AGBL1: variants seen among roughly 807,000 people sequenced by gnomAD.
AGBL1 encodes the protein AGBL carboxypeptidase 1.
Under a neutral mutation model 118.9 loss-of-function variants are expected in AGBL1, and 130 were observed. The observed-to-expected ratio is 1.09, with a 90% CI of 0.95 to 1.26. The LOEUF is 1.26. AGBL1 is among the 50% of genes most tolerant of loss of function. The pLI is 0.00. For missense variants in AGBL1, 1,584 were observed against 1,298.1 expected (o/e 1.22, Z -3.38); for synonymous variants, 555 against 478.9 (o/e 1.16, Z -2.08).
chr15:86,105,574 T>C (rs186976453), intron 1 of AGBL1, among the ~76,000 whole-genome samples: 32 of 152,264 alleles, frequency 2.1e-4, no homozygotes, highest in Middle Eastern at 3.4e-3. Flanking sequence ...ATCAGCTAAA[T>C]GGTTGAGAAG....
chr15:86,625,525 C>T (rs2084874179), intron 21 of AGBL1, among the ~76,000 whole-genome samples: 2 of 151,656 alleles, frequency 1.3e-5, no homozygotes, highest in Non-Finnish European at 2.9e-5. Context: ...CATTTACAAA[C>T]TACACACAAA....
At chr15:86,666,428 C>T (rs949450726) in intron 21 of AGBL1, among the ~76,000 whole-genome samples, 2 of 152,060 alleles carry the variant, frequency 1.3e-5, no homozygotes, top group African/African-American at 4.8e-5. Flanking sequence ...TTTTGTCTTT[C>T]AGTTGATGTC....
At chr15:86,648,405 A>C (rs1010321438) in intron 21 of AGBL1, among the ~76,000 whole-genome samples, 20 of 152,190 alleles carry the variant, frequency 1.3e-4, no homozygotes, top group African/African-American at 3.6e-4. Context: ...GAGAAAAATC[A>C]AGAATAATGG....
rs547939877 is a variant in AGBL1 at position 86,911,698 on chromosome 15, A to G, written c.*4404A>G. 7 of 152,162 alleles carry G rather than the reference A, an allele frequency of 4.6e-5. No individual in the cohort carries two copies. In the East Asian group the frequency reaches 9.7e-4, roughly 21 times the overall value. The allele number at this position is 152,162 out of a possible 1,614,324, so 9.4% of individuals were successfully genotyped here. On this transcript the variant is annotated 3_prime_UTR_variant, in exon 23 of 23. Coordinates refer to ENST00000614907, the MANE Select transcript of AGBL1 (RefSeq NM_001386094.1). ...AAATGTACTTTTTGATTTTTCTAAC[A>G]TTTTCACATTTTTCCTCTGCCTCTG... is the stretch of plus-strand genomic sequence containing the variant.
At chr15:86,359,387 C>CTTTTTT (rs56189861) in intron 17 of AGBL1, among the ~76,000 whole-genome samples, 3 of 93,792 alleles carry the variant, frequency 3.2e-5, no homozygotes, top group South Asian at 4.1e-4. Context: ...TATTGGTTTT[C>CTTTTTT]TTTTTTTTTT....
rs1555462936 is a variant in AGBL1, at chr15:86,298,246, A to ATTATATATATAT, written c.2374+2838_2374+2839insTTATATATATAT. Among the ~76,000 whole-genome samples the ATTATATATATAT allele has an allele frequency of 3.3e-3, 227 of 69,790 alleles. 7 individuals carry two copies. The highest frequency in any genetic ancestry group is 5.1e-3 in the African/African-American group (79 of 15,340). The allele number at this position is 69,790 out of a possible 152,430, so 45.8% of individuals were successfully genotyped here. On this transcript the variant is annotated intron_variant, in intron 17 of 22. Transcript: ENST00000614907. Reference sequence around the variant, plus strand: ...GTATACAGGGTACGTGTCTGTGTATAATATATATATATATATATATATATA... The same window carrying ATTATATATATAT: ...GTATACAGGGTACGTGTCTGTGTATATTATATATATATATATATATATATATATATATATATA...
intron 17 of AGBL1, among the ~76,000 whole-genome samples, chr15:86,388,420 T>C (rs1422968134): frequency 6.6e-6 from 1 of 152,132 alleles, no homozygotes; most frequent in Non-Finnish European, 1.5e-5. Flanking sequence ...AACCATTGGG[T>C]AAAAAGTTTG....
intron 17 of AGBL1, among the ~76,000 whole-genome samples, chr15:86,340,168 A>G (rs1459672584): frequency 6.6e-6 from 1 of 151,090 alleles, no homozygotes; most frequent in Non-Finnish European, 1.5e-5. Flanking sequence ...TTTTATTTTT[A>G]TTTTTGTGTG....
At chr15:86,890,834 C>A (rs969206953) in intron 22 of AGBL1, among the ~76,000 whole-genome samples, 1 of 152,062 alleles carries the variant, frequency 6.6e-6, no homozygotes, top group Non-Finnish European at 1.5e-5. Context: ...ATGCCTCCAC[C>A]TTTGTTCTTT....
At chr15:86,731,088 C>A (rs2077521248) in intron 22 of AGBL1, among the ~76,000 whole-genome samples, 1 of 152,118 alleles carries the variant, frequency 6.6e-6, no homozygotes, top group African/African-American at 2.4e-5. Flanking sequence ...GTCTTGGCCT[C>A]CCAAAGTGCT....
chr15:86,622,012 A>G (rs1393870182), intron 21 of AGBL1, among the ~76,000 whole-genome samples: 1 of 152,164 alleles, frequency 6.6e-6, no homozygotes, highest in Non-Finnish European at 1.5e-5. Flanking sequence ...TTCATCTGCA[A>G]GACAAAGATG....
At chr15:86,285,175 T>A (rs2079421649) in intron 16 of AGBL1, among the ~76,000 whole-genome samples, 1 of 152,104 alleles carries the variant, frequency 6.6e-6, no homozygotes, top group Non-Finnish European at 1.5e-5. Flanking sequence ...TTATACTTGG[T>A]TTACTTCTAG....
chr15:86,211,658 A>T (rs994089928), intron 5 of AGBL1, among the ~76,000 whole-genome samples: 1 of 152,234 alleles, frequency 6.6e-6, no homozygotes, highest in Non-Finnish European at 1.5e-5. Context: ...GGCATGGGAT[A>T]TAATCTCCTG....
At chr15:86,678,482 C>T (rs1030329454) in intron 22 of AGBL1, among the ~76,000 whole-genome samples, 4 of 151,894 alleles carry the variant, frequency 2.6e-5, no homozygotes, top group African/African-American at 4.8e-5. Flanking sequence ...TTCTGTTAAC[C>T]ATCCCTTTTT....
intron 6 of AGBL1, among the ~76,000 whole-genome samples, chr15:86,241,893 T>C (rs983375199): frequency 2.6e-5 from 4 of 152,236 alleles, no homozygotes; most frequent in African/African-American, 9.6e-5. Context: ...GATTTGGCTG[T>C]GTCTCTACTG....
rs114212487 is a variant in AGBL1 at position 86,472,609 on chromosome 15, A to T, written c.2556-50201A>T. Among the ~76,000 whole-genome samples, 596 of 152,332 alleles carry T rather than the reference A, an allele frequency of 3.9e-3. 3 individuals are homozygous for T. Among genetic ancestry groups the T allele is most frequent in the African/African-American group, 0.013 (561 of 41,576 alleles). Reference sequence around the variant, plus strand: ...AGAACATGCTAATTGGAGAACATTTAAAAAATATAGGCAAAAATAATAGAA... The same window carrying T: ...AGAACATGCTAATTGGAGAACATTTTAAAAATATAGGCAAAAATAATAGAA... On this transcript the variant is annotated intron_variant, in intron 18 of 22. Coordinates refer to ENST00000614907, the MANE Select transcript of AGBL1 (RefSeq NM_001386094.1).
intron 6 of AGBL1, among the ~76,000 whole-genome samples, chr15:86,246,285 A>C (rs1352428058): frequency 6.6e-6 from 1 of 152,230 alleles, no homozygotes; most frequent in African/African-American, 2.4e-5. Flanking sequence ...GAGGCAGCAC[A>C]GCAAAACCCG....
At chr15:86,680,565 C>CTTTTTTTTTTTTTTTTTTTTT (rs34873609) in intron 22 of AGBL1, among the ~76,000 whole-genome samples, 2 of 94,682 alleles carry the variant, frequency 2.1e-5, no homozygotes, top group African/African-American at 4.3e-5. Flanking sequence ...TCTTTCTTTT[C>CTTTTTTTTTTTTTTTTTTTTT]TTTTTTTTTT....
intron 23 of AGBL1, among the ~76,000 whole-genome samples, chr15:86,925,216 G>T (rs894441175): frequency 6.7e-6 from 1 of 150,356 alleles, no homozygotes; most frequent in Non-Finnish European, 1.5e-5. Context: ...AAGAAAAGAA[G>T]AAGAAAGAAG....
Sources: allele counts gnomAD v4.1 joint callset (sites outside exome capture counted in the v4.1 genomes callset), GRCh38; gene constraint gnomAD v4.1.1; transcripts MANE v1.5; gene names NCBI Gene and HGNC (gene_info 2026-07-23, HGNC 2026-07-21).